NLGN1: variants seen among roughly 807,000 people sequenced by gnomAD.
NLGN1 encodes neuroligin 1, also known as neuroligin-1.
Under a neutral mutation model 65.5 loss-of-function variants are expected in NLGN1, and 12 were observed. The ratio of observed to expected loss-of-function variants is 0.18; its 90% CI spans 0.12 to 0.30. NLGN1 has a LOEUF of 0.30. Ranked by LOEUF, NLGN1 falls within the 10% of genes least tolerant of loss-of-function variation. The probability of loss-of-function intolerance (pLI) is 1.00; values close to 1 mark genes in which losing one functional copy is unlikely to be tolerated. For synonymous variants in NLGN1, 350 were observed against 359.5 expected, an observed-to-expected ratio of 0.97 and a Z score of 0.30; for missense variants, 750 against 1,007.1, an observed-to-expected ratio of 0.74 and a Z score of 3.46.
chr3:174,167,903 A>AT (rs953318834), intron 4 of NLGN1, among the ~76,000 whole-genome samples: 1 of 151,472 alleles, frequency 6.6e-6, no homozygotes, highest in Non-Finnish European at 1.5e-5. Context: ...CAGTTTAAAA[A>AT]TTTTTTTTTA....
chr3:173,408,778 G>A (rs895125106), intron 1 of NLGN1, among the ~76,000 whole-genome samples: 5 of 152,082 alleles, frequency 3.3e-5, no homozygotes, highest in South Asian at 4.1e-4. Flanking sequence ...TGGGCGTGGT[G>A]GCGGGTGCCT....
exon 3 of NLGN1, chr3:173,604,531 CT>C: frequency 6.5e-7 from 1 of 1,541,410 alleles, no homozygotes; most frequent in Non-Finnish European, 8.9e-7. Context: ...ATTATACAGT[CT>C]TTCTCAAGTG....
intron 3 of NLGN1, among the ~76,000 whole-genome samples, chr3:173,733,807 G>T (rs1258808906): frequency 6.6e-6 from 1 of 152,064 alleles, no homozygotes; most frequent in African/African-American, 2.4e-5. Flanking sequence ...TCACGGGGGA[G>T]GAACACTGTT....
At chr3:173,590,985 G>A (rs1383935308) in intron 2 of NLGN1, among the ~76,000 whole-genome samples, 1 of 152,030 alleles carries the variant, frequency 6.6e-6, no homozygotes, top group African/African-American at 2.4e-5. Context: ...CTCAGGGAAC[G>A]TTGGAATTAC....
At chr3:173,779,589 T>C (rs1290801004) in intron 3 of NLGN1, among the ~76,000 whole-genome samples, 2 of 152,138 alleles carry the variant, frequency 1.3e-5, no homozygotes, top group Admixed American at 1.3e-4. Flanking sequence ...TCTTTGGATA[T>C]TTAAAGTCTG....
chr3:173,462,237 A>T (rs1334252412), intron 2 of NLGN1, among the ~76,000 whole-genome samples: 1 of 152,162 alleles, frequency 6.6e-6, no homozygotes, highest in Admixed American at 6.6e-5. Flanking sequence ...AGCAACACTG[A>T]TGTAAAGCTC....
At chr3:173,969,088 A>G (rs970985098) in intron 4 of NLGN1, among the ~76,000 whole-genome samples, 1 of 152,028 alleles carries the variant, frequency 6.6e-6, no homozygotes, top group Non-Finnish European at 1.5e-5. Flanking sequence ...TGTTACTGTT[A>G]ACTTGTTGAT....
At chr3:173,765,052 A>ATGTGTGTG (rs55747253) in intron 3 of NLGN1, among the ~76,000 whole-genome samples, 11 of 136,288 alleles carry the variant, frequency 8.1e-5, no homozygotes, top group African/African-American at 1.3e-4. Context: ...CTGTGGGTGC[A>ATGTGTGTG]TGTGTGTGTG....
chr3:173,696,004 G>T (rs1577993488), intron 3 of NLGN1, among the ~76,000 whole-genome samples: 1 of 152,090 alleles, frequency 6.6e-6, no homozygotes, highest in Non-Finnish European at 1.5e-5. Context: ...TAGAGACAGG[G>T]TTTCACCATG....
At chr3:173,478,952 A>G (rs190145581) in intron 2 of NLGN1, among the ~76,000 whole-genome samples, 1,603 of 152,220 alleles carry the variant, frequency 0.011, 30 homozygotes, top group African/African-American at 0.037. Flanking sequence ...TAGTACTTCA[A>G]TCTGACTATT....
intron 3 of NLGN1, among the ~76,000 whole-genome samples, chr3:173,659,562 C>T (rs1228071301): frequency 6.6e-6 from 1 of 151,772 alleles, no homozygotes; most frequent in Non-Finnish European, 1.5e-5. Flanking sequence ...TCCAGAGCAG[C>T]AGTTTAAAAA....
intron 2 of NLGN1, among the ~76,000 whole-genome samples, chr3:173,521,778 T>C (rs981382342): frequency 6.6e-6 from 1 of 152,216 alleles, no homozygotes; most frequent in Admixed American, 6.5e-5. Context: ...TCACAGTTAA[T>C]ACTATGAGGT....
rs1747158238 is a variant in NLGN1, at chr3:173,946,393, G to A, written c.646+138561G>A. On this transcript the variant is annotated intron_variant, in intron 4 of 6. Coordinates refer to ENST00000457714, the Ensembl canonical transcript of NLGN1. Reference sequence around the variant, plus strand: ...TTGCATTTTACATATTATTTTTGTAGCATGTATTTTTATTTAGCAATAGTT... The same window carrying A: ...TTGCATTTTACATATTATTTTTGTAACATGTATTTTTATTTAGCAATAGTT... Among the ~76,000 whole-genome samples the A allele has an allele frequency of 2.6e-5, 4 of 152,166 alleles. No homozygotes were observed. The South Asian group carries it at 8.3e-4, about 32-fold the overall frequency.
intron 3 of NLGN1, among the ~76,000 whole-genome samples, chr3:173,730,160 T>TGATTATATATAAATTTATC (rs1772534108): frequency 6.6e-6 from 1 of 151,200 alleles, no homozygotes; most frequent in Admixed American, 6.6e-5. Context: ...TCAATATACA[T>TGATTATATATAAATTTATC]GATTATATAT....
At chr3:174,124,101 A>G (rs545575287) in intron 4 of NLGN1, among the ~76,000 whole-genome samples, 1 of 152,210 alleles carries the variant, frequency 6.6e-6, no homozygotes, top group East Asian at 1.9e-4. Context: ...TTCTGTGAGA[A>G]TGTTCCCATC....
intron 4 of NLGN1, among the ~76,000 whole-genome samples, chr3:173,844,880 C>T (rs1188161429): frequency 6.6e-6 from 1 of 152,166 alleles, no homozygotes; most frequent in Non-Finnish European, 1.5e-5. Flanking sequence ...TCATAGTCTT[C>T]TATTTTAAAA....
In NLGN1 at chr3:173,587,651, G is replaced by C. The variant is rs548143322; in HGVS notation, c.-320-16628G>C. On this transcript the variant is annotated intron_variant, in intron 2 of 6. Coordinates refer to ENST00000457714, the Ensembl canonical transcript of NLGN1. ...GATGAGTTGTGAATTTTCTATCAGA[G>C]TAACACAAAATGTGGTAGTTTGGGG... 2.0e-3 allele frequency among the ~76,000 whole-genome samples: 310 copies of C among 152,234 alleles called. 1 individual carries two copies. The highest frequency in any genetic ancestry group is 7.3e-3 in the African/African-American group (304 of 41,544).
At chr3:173,912,678 A>G (rs1739860171) in intron 4 of NLGN1, 2 of 152,216 alleles carry the variant, frequency 1.3e-5, no homozygotes, top group South Asian at 4.1e-4. Context: ...AGAATTAAGC[A>G]TGATCTAATA....
chr3:173,678,925 T>C (rs1763548997), intron 3 of NLGN1, among the ~76,000 whole-genome samples: 1 of 152,052 alleles, frequency 6.6e-6, no homozygotes, highest in African/African-American at 2.4e-5. Flanking sequence ...GTGTTTGAAT[T>C]GAAGTATCTG....
Sources: allele counts gnomAD v4.1 joint callset (sites outside exome capture counted in the v4.1 genomes callset), GRCh38; gene constraint gnomAD v4.1.1; transcripts MANE v1.5; gene names NCBI Gene and HGNC (gene_info 2026-07-23, HGNC 2026-07-21).